The following CCSER1 variants were observed in gnomAD, a reference collection of about 807,000 sequenced individuals.
CCSER1 encodes the protein serine-rich coiled-coil domain-containing protein 1.
CCSER1 carries 41 observed loss-of-function variants against 82.0 expected under a neutral mutation model. The observed-to-expected ratio is 0.50, with a 90% confidence interval of 0.39 to 0.65. The LOEUF is 0.65. Among genes scored for constraint, CCSER1 ranks in the 30% least tolerant of loss-of-function variants. The pLI, the probability that CCSER1 is intolerant of heterozygous loss-of-function variation, is 0.00. For missense variants in CCSER1, 1,119 were observed against 1,064.2 expected (o/e 1.05, Z -0.72); for synonymous variants, 414 against 383.9 (o/e 1.08, Z -0.92).
In CCSER1 at chr4:91,155,069, G is replaced by A. The variant is rs568068454; in HGVS notation, c.2217+69075G>A. On this transcript the variant is annotated intron_variant, in intron 10 of 10. Coordinates refer to ENST00000509176, the MANE Select transcript of CCSER1 (RefSeq NM_001145065.2). ...AATCCTAAAACCTAGAGGCTTAAAAGAATATCCCATAATTCTTTGGGCTTG... is the reference window on the plus strand; with the variant it reads ...AATCCTAAAACCTAGAGGCTTAAAAAAATATCCCATAATTCTTTGGGCTTG... Among the ~76,000 whole-genome samples the A allele has an allele frequency of 2.6e-5, 4 of 151,562 alleles. No individual in the cohort carries two copies. In the East Asian group the frequency reaches 7.8e-4, roughly 29 times the overall value.
At chr4:91,046,727 G>A (rs559133277) in intron 9 of CCSER1, among the ~76,000 whole-genome samples, 1 of 151,890 alleles carries the variant, frequency 6.6e-6, no homozygotes, top group South Asian at 2.1e-4. Flanking sequence ...TGTTTTGGGA[G>A]CTTTTTTTTT....
chr4:90,357,010 A>G (rs1744475564), intron 3 of CCSER1, among the ~76,000 whole-genome samples: 1 of 151,894 alleles, frequency 6.6e-6, no homozygotes, highest in Admixed American at 6.6e-5. Context: ...AGTATATTAT[A>G]AAACTACTTT....
At chr4:90,768,700 A>T (rs972134277) in intron 7 of CCSER1, among the ~76,000 whole-genome samples, 1 of 152,202 alleles carries the variant, frequency 6.6e-6, no homozygotes, top group Non-Finnish European at 1.5e-5. Flanking sequence ...TCCTTGTTAT[A>T]TAGTATCAGA....
chr4:91,168,886 A>G (rs1732456201), intron 10 of CCSER1, among the ~76,000 whole-genome samples: 1 of 152,140 alleles, frequency 6.6e-6, no homozygotes, highest in African/African-American at 2.4e-5. Flanking sequence ...GATGCTGTTA[A>G]TCTATAACCT....
At chr4:91,059,357 GTGTA>G (rs1743755694) in intron 9 of CCSER1, among the ~76,000 whole-genome samples, 1 of 82,650 alleles carries the variant, frequency 1.2e-5, no homozygotes, top group African/African-American at 4.6e-5. Flanking sequence ...ATATACACGT[GTGTA>G]TGTGTGTGTG....
intron 10 of CCSER1, among the ~76,000 whole-genome samples, chr4:91,544,750 C>T (rs56292888): frequency 0.016 from 2,446 of 151,516 alleles, 66 homozygotes; most frequent in African/African-American, 0.056. Flanking sequence ...TTAGGCTACT[C>T]GGGGGTCAGG....
chr4:91,101,612 G>A (rs1182067385), intron 10 of CCSER1, among the ~76,000 whole-genome samples: 3 of 143,332 alleles, frequency 2.1e-5, no homozygotes, highest in South Asian at 2.3e-4. Context: ...TCCAGCCTGG[G>A]GACAGAGCAA....
At chr4:91,334,316 C>T (rs1024621113) in intron 10 of CCSER1, among the ~76,000 whole-genome samples, 1 of 151,994 alleles carries the variant, frequency 6.6e-6, no homozygotes, top group African/African-American at 2.4e-5. Flanking sequence ...CTCTCAACCT[C>T]GTATGCTTCT....
chr4:90,336,259 G>A (rs953163804), intron 3 of CCSER1, among the ~76,000 whole-genome samples: 1 of 152,186 alleles, frequency 6.6e-6, no homozygotes, highest in Non-Finnish European at 1.5e-5. Context: ...AAGGACTAAA[G>A]AGACAATAGT....
chr4:90,975,461 T>C (rs866787761), intron 9 of CCSER1, among the ~76,000 whole-genome samples: 1 of 151,306 alleles, frequency 6.6e-6, no homozygotes, highest in Non-Finnish European at 1.5e-5. Context: ...TTTTTCTAAA[T>C]AATAAAAGAA....
intron 5 of CCSER1, among the ~76,000 whole-genome samples, chr4:90,522,513 G>A (rs979846368): frequency 6.6e-6 from 1 of 152,120 alleles, no homozygotes; most frequent in African/African-American, 2.4e-5. Flanking sequence ...CTTCTGCTAA[G>A]ATATCTCCAC....
At chr4:91,043,428 G>A (rs993393254) in intron 9 of CCSER1, among the ~76,000 whole-genome samples, 1 of 151,912 alleles carries the variant, frequency 6.6e-6, no homozygotes, top group Non-Finnish European at 1.5e-5. Flanking sequence ...CCCTAGAATT[G>A]ACAGTGTTCA....
At chr4:90,466,129 A>C (rs960386223) in intron 4 of CCSER1, among the ~76,000 whole-genome samples, 8 of 152,216 alleles carry the variant, frequency 5.3e-5, no homozygotes, top group African/African-American at 1.7e-4. Context: ...ATCAGTTGGC[A>C]AAAAGGATTT....
At chr4:90,852,605 A>G (rs948425821) in intron 8 of CCSER1, among the ~76,000 whole-genome samples, 1 of 152,236 alleles carries the variant, frequency 6.6e-6, no homozygotes, top group Non-Finnish European at 1.5e-5. Flanking sequence ...CATCTCTGGC[A>G]ACGGCTCTAA....
At chr4:90,815,712 C>A in intron 7 of CCSER1, 50 bp from the exon 8 acceptor site, 2 of 1,335,342 alleles carry the variant, frequency 1.5e-6, no homozygotes, top group Non-Finnish European at 2.1e-6. Context: ...TTATCAAGAG[C>A]AAAGTAAAAG....
At chr4:90,356,053 A>G (rs1417393283) in intron 3 of CCSER1, among the ~76,000 whole-genome samples, 1 of 151,922 alleles carries the variant, frequency 6.6e-6, no homozygotes, top group African/African-American at 2.4e-5. Context: ...TTCACTTGAC[A>G]TCGTGTATCT....
intron 7 of CCSER1, among the ~76,000 whole-genome samples, chr4:90,788,788 A>T (rs1190087820): frequency 1.3e-5 from 2 of 152,304 alleles, no homozygotes; most frequent in East Asian, 3.9e-4. Flanking sequence ...TTCATTAGAA[A>T]GGCGATCCTT....
intron 10 of CCSER1, among the ~76,000 whole-genome samples, chr4:91,406,340 C>A (rs1752699216): frequency 6.6e-6 from 1 of 152,122 alleles, no homozygotes; most frequent in Non-Finnish European, 1.5e-5. Flanking sequence ...TCTTTTACTC[C>A]AAAGCTTATA....
intron 9 of CCSER1, among the ~76,000 whole-genome samples, chr4:91,046,362 CT>C (rs138008604): frequency 0.37 from 56,129 of 151,706 alleles, 11,637 homozygotes; most frequent in East Asian, 0.64. Context: ...AATTCTTACA[CT>C]TTTCTATGGC....
Sources: gnomAD v4.1 joint callset for allele counts (sites outside exome capture counted in the v4.1 genomes callset) on GRCh38, gnomAD v4.1.1 for gene constraint, MANE v1.5 for transcripts, NCBI Gene and HGNC (gene_info 2026-07-23, HGNC 2026-07-21) for gene names.